The following TTLL5 variants were observed in gnomAD, a reference collection of about 807,000 sequenced individuals.
TTLL5 encodes tubulin polyglutamylase TTLL5.
TTLL5 carries 132 observed loss-of-function variants against 168.4 expected under a neutral mutation model. The ratio of observed to expected loss-of-function variants is 0.78; its 90% CI spans 0.68 to 0.91. The LOEUF is 0.91. Ranked by LOEUF, TTLL5 falls within the 40% of genes least tolerant of loss-of-function variation. The pLI is 0.00. For synonymous variants in TTLL5, 546 were observed against 558.6 expected (o/e 0.98, Z 0.32); for missense variants, 1,545 against 1,581.5 (o/e 0.98, Z 0.39).
At chr14:75,767,745 G>A (rs1296292020) in intron 20 of TTLL5, among the ~76,000 whole-genome samples, 4 of 152,172 alleles carry the variant, frequency 2.6e-5, no homozygotes, top group East Asian at 1.9e-4. Flanking sequence ...AAAGTAAATC[G>A]TGCTTGCATT....
chr14:75,937,087 A>G (rs562594264), intron 31 of TTLL5, among the ~76,000 whole-genome samples: 33 of 151,862 alleles, frequency 2.2e-4, no homozygotes, highest in African/African-American at 6.5e-4. Flanking sequence ...TGCTGTTTCA[A>G]CCATTTTTAA....
chr14:75,809,722 C>G (rs1358621676), intron 27 of TTLL5, among the ~76,000 whole-genome samples: 3 of 152,110 alleles, frequency 2.0e-5, no homozygotes, highest in Non-Finnish European at 4.4e-5. Flanking sequence ...TTCTCCTTCC[C>G]CTTTTTCCCT....
chr14:75,783,229 T>C lies in TTLL5; in HGVS notation c.2685T>C (p.Ile895=). ...SSGPTATLQK[I]PNTHLSSVTT... ...GTCCTACTGCTACTCTGCAGAAAAT[T>C]CCCAACACCCATTTGTCATCTGTTA... Residue 895 remains isoleucine, a synonymous_variant, in exon 26 of 32, where the codon ATT becomes ATC. Coordinates refer to ENST00000298832, the MANE Select transcript of TTLL5 (RefSeq NM_015072.5). The C allele has an allele frequency of 2.5e-6, 4 of 1,614,162 alleles. No homozygotes were observed. Among genetic ancestry groups the C allele is most frequent in the Non-Finnish European group, 3.4e-6 (4 of 1,180,032 alleles).
chr14:75,663,271 C>CT, intron 2 of TTLL5, 48 bp downstream of exon 2: 1 of 1,443,842 alleles, frequency 6.9e-7, no homozygotes, highest in Non-Finnish European at 9.6e-7. Context: ...TACTCTTTCA[C>CT]TTATATACTC....
intron 15 of TTLL5, among the ~76,000 whole-genome samples, chr14:75,739,547 C>G (rs1159006500): frequency 6.6e-6 from 1 of 152,110 alleles, no homozygotes; most frequent in Admixed American, 6.5e-5. Flanking sequence ...TTTCTCCTTT[C>G]TCTTTAATGT....
At chr14:75,706,813 T>C (rs1886689625) in intron 7 of TTLL5, among the ~76,000 whole-genome samples, 1 of 152,052 alleles carries the variant, frequency 6.6e-6, no homozygotes, top group Non-Finnish European at 1.5e-5. Flanking sequence ...AATTTATTTT[T>C]CCTGCATCGT....
intron 31 of TTLL5, among the ~76,000 whole-genome samples, chr14:75,951,944 C>T (rs919819143): frequency 6.6e-6 from 1 of 152,038 alleles, no homozygotes; most frequent in Non-Finnish European, 1.5e-5. Context: ...AACTGGGCAT[C>T]CTCAAAAATT....
intron 26 of TTLL5, among the ~76,000 whole-genome samples, chr14:75,786,608 A>G (rs1424546418): frequency 1.3e-5 from 2 of 152,190 alleles, no homozygotes; most frequent in Non-Finnish European, 2.9e-5. Flanking sequence ...ATTGGAGTTA[A>G]ATTTTTCTGT....
At chr14:75,813,216 G>C (rs1055182011) in intron 27 of TTLL5, among the ~76,000 whole-genome samples, 1 of 150,558 alleles carries the variant, frequency 6.6e-6, no homozygotes, top group Non-Finnish European at 1.5e-5. Flanking sequence ...GTGTGTGTGT[G>C]TGTGTGTGTT....
intron 26 of TTLL5, among the ~76,000 whole-genome samples, chr14:75,791,239 G>T (rs555391277): frequency 6.6e-6 from 1 of 152,202 alleles, no homozygotes; most frequent in African/African-American, 2.4e-5. Flanking sequence ...GCAGATGTAT[G>T]CAAGGGTGTT....
In TTLL5 at chr14:75,911,468, T is replaced by A. The variant is rs372154955; in HGVS notation, c.3823+9244T>A. On this transcript the variant is annotated intron_variant, in intron 31 of 31. Coordinates refer to ENST00000298832, the MANE Select transcript of TTLL5 (RefSeq NM_015072.5). ...GAAAACCAACCTGATTTTAAGATGA[T>A]GAGGTGAAGAAAAAGCAGCTGCTTA... 2.3e-4 allele frequency among the ~76,000 whole-genome samples: 35 copies of A among 152,204 alleles called. 2 individuals are homozygous for A. The highest frequency in any genetic ancestry group is 1.5e-3 in the East Asian group (8 of 5,196).
intron 17 of TTLL5, among the ~76,000 whole-genome samples, chr14:75,747,730 G>A (rs1889699401): frequency 2.0e-5 from 3 of 152,096 alleles, no homozygotes. Context: ...ATTCTGTCTG[G>A]TGGGAACTCA....
At chr14:75,836,801 C>T (rs1595124933) in intron 28 of TTLL5, among the ~76,000 whole-genome samples, 2 of 152,290 alleles carry the variant, frequency 1.3e-5, no homozygotes, top group East Asian at 3.9e-4. Context: ...GTTGAAGCCT[C>T]TTTCCCAAGA....
chr14:75,665,281 G>C (rs1883172276), intron 2 of TTLL5, among the ~76,000 whole-genome samples: 1 of 152,166 alleles, frequency 6.6e-6, no homozygotes, highest in South Asian at 2.1e-4. Context: ...GTTTTCTAAA[G>C]ACAACAACAT....
intron 9 of TTLL5, among the ~76,000 whole-genome samples, chr14:75,713,717 T>C (rs1887250086): frequency 6.6e-6 from 1 of 152,212 alleles, no homozygotes; most frequent in African/African-American, 2.4e-5. Flanking sequence ...AGTACATGTC[T>C]CATCTAAAGG....
intron 30 of TTLL5, among the ~76,000 whole-genome samples, chr14:75,895,915 G>A (rs890167569): frequency 6.6e-6 from 1 of 152,048 alleles, no homozygotes; most frequent in Non-Finnish European, 1.5e-5. Flanking sequence ...TTGAAGGAAC[G>A]AATGAAATTG....
chr14:75,762,955 A>T (rs1023576966), intron 18 of TTLL5, among the ~76,000 whole-genome samples: 4 of 152,150 alleles, frequency 2.6e-5, no homozygotes, highest in Non-Finnish European at 5.9e-5. Context: ...ATTAACTTCC[A>T]CTCATTTAAT....
intron 26 of TTLL5, among the ~76,000 whole-genome samples, chr14:75,785,234 G>A (rs976223018): frequency 3.2e-4 from 46 of 142,674 alleles, no homozygotes; most frequent in African/African-American, 1.1e-3. Context: ...AGGCTGGAGT[G>A]CAGTGGCACG....
intron 15 of TTLL5, among the ~76,000 whole-genome samples, chr14:75,735,708 C>T (rs1566581334): frequency 6.6e-6 from 1 of 152,166 alleles, no homozygotes; most frequent in Non-Finnish European, 1.5e-5. Context: ...AAGTAATTCT[C>T]CTCAAAGGAC....
Sources: allele counts gnomAD v4.1 joint callset (sites outside exome capture counted in the v4.1 genomes callset), GRCh38; gene constraint gnomAD v4.1.1; transcripts MANE v1.5; gene names NCBI Gene and HGNC (gene_info 2026-07-23, HGNC 2026-07-21).